The following SPATA7 variants were observed in gnomAD, a reference collection of about 807,000 sequenced individuals.
SPATA7 encodes spermatogenesis-associated protein 7.
A neutral mutation model predicts 51.8 loss-of-function variants in SPATA7; 43 were observed. The observed-to-expected ratio is 0.83, with a 90% CI of 0.65 to 1.07. The LOEUF (loss-of-function observed/expected upper bound fraction) is 1.07, where lower values mean the gene tolerates loss of function less well. Among genes scored for constraint, SPATA7 ranks in the 50% least tolerant of loss-of-function variants. The pLI is 0.00. For missense variants in SPATA7, 683 were observed against 701.3 expected, an observed-to-expected ratio of 0.97 and a Z score of 0.30; for synonymous variants, 230 against 252.8, an observed-to-expected ratio of 0.91 and a Z score of 0.86.
intron 4 of SPATA7, among the ~76,000 whole-genome samples, chr14:88,407,023 G>T (rs946424084): frequency 2.6e-5 from 4 of 152,018 alleles, no homozygotes; most frequent in Admixed American, 6.6e-5. Flanking sequence ...CCATTGATGG[G>T]CATTTGTGTT....
rs2140025844 is a variant in SPATA7 at position 88,436,613 on chromosome 14, TA to T, written c.1161-929del. Among the ~76,000 whole-genome samples, 2 of 152,288 alleles carry T rather than the reference TA, an allele frequency of 1.3e-5. 1 individual carries two copies. The highest frequency in any genetic ancestry group is 2.9e-5 in the Non-Finnish European group (2 of 67,996). On this transcript the variant is annotated intron_variant, in intron 10 of 11. Transcript: ENST00000393545. ...TTTGATTTTTGTATGTGGTGAGAGA[TA>T]GGGGTCTAGTTTCATTCTTTTGCAT...
chr14:88,444,888 C>G (rs2077201123), intron 3 of SPATA7, among the ~76,000 whole-genome samples: 1 of 152,136 alleles, frequency 6.6e-6, no homozygotes, highest in Admixed American at 6.6e-5. Context: ...GTTACTGTAG[C>G]CTTGTAGTAT....
At position 88,469,140 on chromosome 14, in the gene SPATA7, A is replaced by G; in HGVS notation, c.255-707A>G. The G allele has an allele frequency of 6.6e-7, 1 of 1,508,908 alleles. No homozygotes were observed. Among genetic ancestry groups the G allele is most frequent in the Non-Finnish European group, 9.0e-7 (1 of 1,108,540 alleles). The allele number at this position is 1,508,908 out of a possible 1,614,324, so 93.5% of individuals were successfully genotyped here. On this transcript the variant is annotated intron_variant, in intron 4 of 4. Transcript: ENST00000556406. This position sits in a 1 kb window ranked among gnomAD's most constrained non-coding sequence, Gnocchi z 4.3. Reference sequence around the variant, plus strand: ...CAAGGCGTATCACATTGTTGACTCAATCTTCATATTCTCTCCACTGATTAA... The same window carrying G: ...CAAGGCGTATCACATTGTTGACTCAGTCTTCATATTCTCTCCACTGATTAA...
chr14:88,425,183 A>C (rs2076754337), intron 5 of SPATA7, among the ~76,000 whole-genome samples: 1 of 152,154 alleles, frequency 6.6e-6, no homozygotes, highest in Non-Finnish European at 1.5e-5. Flanking sequence ...AATGAGCTAT[A>C]CATGAAAATG....
At chr14:88,445,678 G>A (rs1015825783) in intron 3 of SPATA7, among the ~76,000 whole-genome samples, 15 of 152,146 alleles carry the variant, frequency 9.9e-5, no homozygotes, top group Non-Finnish European at 1.8e-4. Flanking sequence ...CTAATTTATT[G>A]AGAGTTTTTA....
intron 9 of SPATA7, among the ~76,000 whole-genome samples, chr14:88,432,122 C>A: frequency 6.6e-6 from 1 of 152,156 alleles, no homozygotes; most frequent in Non-Finnish European, 1.5e-5. Flanking sequence ...TAGAGAAATG[C>A]AGACTTTTAA....
intron 3 of SPATA7, among the ~76,000 whole-genome samples, chr14:88,452,924 C>T (rs1306020587): frequency 6.6e-6 from 1 of 152,188 alleles, no homozygotes; most frequent in Non-Finnish European, 1.5e-5. Context: ...GAGGTCCTCT[C>T]TCTCTCCATG....
intron 5 of SPATA7, 49 bp downstream of exon 5, chr14:88,416,893 C>T (rs1251320435): frequency 2.0e-6 from 3 of 1,483,022 alleles, no homozygotes; most frequent in Non-Finnish European, 2.8e-6. Flanking sequence ...TAAGGTACTT[C>T]TTTAGTGGTA....
At chr14:88,470,205 T>C (rs770047771) in exon 5 of SPATA7, 55 of 679,296 alleles carry the variant, frequency 8.1e-5, no homozygotes, top group Non-Finnish European at 1.3e-4. Context: ...GGAAAGACTT[T>C]TCATCTTTTC....
In SPATA7 at chr14:88,388,916, G is replaced by A. The variant is rs540404144; in HGVS notation, c.20-2465G>A. On this transcript the variant is annotated intron_variant, in intron 1 of 11. Coordinates refer to ENST00000393545, the MANE Select transcript of SPATA7 (RefSeq NM_018418.5). ...AGCTTCATCACCGAGGAGTGATATC[G>A]GAGGCTTCACATTCCATGGGAAATA... Among the ~76,000 whole-genome samples, 16 of 152,238 alleles carry A rather than the reference G, an allele frequency of 1.1e-4. No individual in the cohort carries two copies. The South Asian group carries it at 2.1e-3, about 20-fold the overall frequency.
Position 88,431,461 on chromosome 14 carries a change from G to A in SPATA7, c.1082+236G>A, listed in dbSNP as rs2076939019. On this transcript the variant is annotated intron_variant, in intron 9 of 11. Transcript: ENST00000393545. ...AACATTTTATCATTTCTTTGTGTTG[G>A]AAACATTGAGTATCCTTCTTCTAGC... is the stretch of plus-strand genomic sequence containing the variant. 2.6e-5 allele frequency among the ~76,000 whole-genome samples: 4 copies of A among 152,058 alleles called. No individual in the cohort carries two copies. In the South Asian group the frequency reaches 8.3e-4, roughly 32 times the overall value.
At chr14:88,414,936 A>G (rs749634115) in intron 4 of SPATA7, among the ~76,000 whole-genome samples, 11 of 151,756 alleles carry the variant, frequency 7.2e-5, no homozygotes, top group South Asian at 6.2e-4. Flanking sequence ...CGTGGTTTCA[A>G]TTTTTTTACA....
rs760672722 is a variant in SPATA7 at position 88,437,832 on chromosome 14, TC to T, written c.1216-4del. On this transcript the variant is annotated splice_region_variant and splice_polypyrimidine_tract_variant and intron_variant, in intron 11 of 11. Coordinates refer to ENST00000393545, the MANE Select transcript of SPATA7 (RefSeq NM_018418.5). ...TGTAATTAGTCTCATCTTTTCTTAATCCTAGGAAAAAATGCGCCACCTGCTG... is the reference window on the plus strand; with the variant it reads ...TGTAATTAGTCTCATCTTTTCTTAATCTAGGAAAAAATGCGCCACCTGCTG... 1.6e-5 allele frequency: 26 copies of T among 1,585,768 alleles called. No homozygotes were observed. Among genetic ancestry groups the T allele is most frequent in the Non-Finnish European group, 2.0e-5 (24 of 1,170,762 alleles).
chr14:88,418,069 T>A, intron 5 of SPATA7, among the ~76,000 whole-genome samples: 1 of 152,236 alleles, frequency 6.6e-6, no homozygotes, highest in Non-Finnish European at 1.5e-5. Flanking sequence ...TTGTTCATAC[T>A]ATTCTCTTAA....
chr14:88,412,796 T>C (rs1215675961), intron 4 of SPATA7, among the ~76,000 whole-genome samples: 1 of 152,240 alleles, frequency 6.6e-6, no homozygotes, highest in East Asian at 1.9e-4. Flanking sequence ...GCACAAGCTT[T>C]TTAATTTAAT....
intron 1 of SPATA7, chr14:88,386,071 G>A: frequency 7.0e-7 from 1 of 1,420,804 alleles, no homozygotes; most frequent in Non-Finnish European, 9.2e-7. Context: ...CTGACACCAG[G>A]GGCCCCTGTC....
intron 10 of SPATA7, among the ~76,000 whole-genome samples, chr14:88,433,430 T>A (rs2076992320): frequency 6.6e-6 from 1 of 152,172 alleles, no homozygotes; most frequent in Admixed American, 6.5e-5. Flanking sequence ...AATTAAAGAA[T>A]AGAGCTTTTA....
intron 4 of SPATA7, among the ~76,000 whole-genome samples, chr14:88,407,917 T>A (rs1424955358): frequency 1.3e-5 from 2 of 152,198 alleles, no homozygotes; most frequent in African/African-American, 4.8e-5. Context: ...CAGATGGTTG[T>A]AGATGTGTGG....
intron 4 of SPATA7, chr14:88,468,294 A>T: frequency 6.4e-7 from 1 of 1,573,226 alleles, no homozygotes; most frequent in Non-Finnish European, 8.6e-7. Flanking sequence ...TAATGAAGAT[A>T]ATGTGTTCCC....
Sources: allele counts gnomAD v4.1 joint callset (sites outside exome capture counted in the v4.1 genomes callset), GRCh38; gene constraint gnomAD v4.1.1; non-coding constraint Gnocchi (gnomAD v3.1); transcripts MANE v1.5; gene names NCBI Gene and HGNC (gene_info 2026-07-23, HGNC 2026-07-21).